SLC14A2: variants seen among roughly 807,000 people sequenced by gnomAD.
SLC14A2 encodes urea transporter 2.
In SLC14A2, 91 loss-of-function variants were observed where a neutral mutation model predicts 104.6. The observed-to-expected ratio is 0.87, with a 90% confidence interval of 0.73 to 1.04. SLC14A2 has a LOEUF of 1.04. Among genes scored for constraint, SLC14A2 ranks in the 50% least tolerant of loss-of-function variants. SLC14A2 has a pLI of 0.00. For missense variants in SLC14A2, 1,189 were observed against 1,156.0 expected, an observed-to-expected ratio of 1.03 and a Z score of -0.41; for synonymous variants, 476 against 466.4, an observed-to-expected ratio of 1.02 and a Z score of -0.27.
At chr18:45,512,753 C>T (rs911967826) in intron 2 of SLC14A2, among the ~76,000 whole-genome samples, 39 of 152,294 alleles carry the variant, frequency 2.6e-4, no homozygotes, top group Middle Eastern at 3.4e-3. Context: ...ACATCAGACT[C>T]ATTCTGCCTG....
chr18:45,360,092 C>T (rs1331937421), intron 1 of SLC14A2, among the ~76,000 whole-genome samples: 1 of 152,198 alleles, frequency 6.6e-6, no homozygotes, highest in Non-Finnish European at 1.5e-5. Flanking sequence ...CCAACCTACC[C>T]TCACCTCCTC....
At chr18:45,566,049 T>C (rs557872059) in intron 2 of SLC14A2, among the ~76,000 whole-genome samples, 2 of 152,322 alleles carry the variant, frequency 1.3e-5, no homozygotes, top group African/African-American at 4.8e-5. Flanking sequence ...AGCATTTCTG[T>C]TGTGGAAGTA....
At chr18:45,465,160 G>T (rs4890543) in intron 1 of SLC14A2, among the ~76,000 whole-genome samples, 1 of 152,024 alleles carries the variant, frequency 6.6e-6, no homozygotes, top group Non-Finnish European at 1.5e-5. Flanking sequence ...GGGTCAGAGA[G>T]AGAGAGAAAT....
At chr18:45,540,238 C>T (rs1188855757) in intron 2 of SLC14A2, among the ~76,000 whole-genome samples, 2 of 152,124 alleles carry the variant, frequency 1.3e-5, no homozygotes, top group Non-Finnish European at 2.9e-5. Context: ...GACTCTCCTT[C>T]CTGGCCCCCT....
At chr18:45,324,050 T>A (rs990729057) in intron 1 of SLC14A2, among the ~76,000 whole-genome samples, 2 of 152,198 alleles carry the variant, frequency 1.3e-5, no homozygotes, top group Admixed American at 1.3e-4. Context: ...AAAAACCCTT[T>A]CTTTAGTGGC....
chr18:45,169,521 G>A, the SLC14A2 span, among the ~76,000 whole-genome samples: 5 of 152,142 alleles, frequency 3.3e-5, no homozygotes, highest in Admixed American at 6.5e-5. Flanking sequence ...TTTGGATAAG[G>A]CTGTAATCAC....
chr18:45,616,788 T>TCAC (rs2045078222), intron 1 of SLC14A2, among the ~76,000 whole-genome samples: 1 of 152,036 alleles, frequency 6.6e-6, no homozygotes, highest in Admixed American at 6.5e-5. Flanking sequence ...CATTGAAGGG[T>TCAC]CACCCCACTT....
chr18:45,470,044 G>A (rs2087218405), intron 1 of SLC14A2, among the ~76,000 whole-genome samples: 1 of 152,182 alleles, frequency 6.6e-6, no homozygotes, highest in African/African-American at 2.4e-5. Context: ...TCTTTAAACT[G>A]AAGGAATTGT....
At chr18:45,505,356 A>G (rs538682972) in intron 2 of SLC14A2, among the ~76,000 whole-genome samples, 4 of 152,274 alleles carry the variant, frequency 2.6e-5, no homozygotes, top group African/African-American at 9.6e-5. Context: ...CCTGCTATCC[A>G]TGTAAATTCA....
At chr18:45,434,807 G>GA (rs35012323) in intron 1 of SLC14A2, among the ~76,000 whole-genome samples, 1 of 152,160 alleles carries the variant, frequency 6.6e-6, no homozygotes, top group Non-Finnish European at 1.5e-5. Context: ...AACGTGGGGT[G>GA]AAAAAATGAA....
chr18:45,168,787 ACATGATGCTCACATCT>A, the SLC14A2 span: 1 of 152,164 alleles, frequency 6.6e-6, no homozygotes, highest in African/African-American at 2.4e-5. Context: ...AGGGCCTGGA[ACATGATGCTCACATCT>A]CATGATGAAA....
chr18:45,528,113 T>C (rs2043623167), intron 2 of SLC14A2: 1 of 145,086 alleles, frequency 6.9e-6, no homozygotes, highest in Non-Finnish European at 1.5e-5. Context: ...TGGAACAGGT[T>C]TGGTTTCAGG....
chr18:45,619,322 A>AG (rs34863179), intron 1 of SLC14A2, among the ~76,000 whole-genome samples: 2 of 152,220 alleles, frequency 1.3e-5, no homozygotes, highest in Non-Finnish European at 2.9e-5. Context: ...CCTCCTGCTC[A>AG]GGACACAGTG....
intron 10 of SLC14A2, among the ~76,000 whole-genome samples, chr18:45,653,929 A>G (rs2045784537): frequency 6.6e-6 from 1 of 152,234 alleles, no homozygotes; most frequent in Non-Finnish European, 1.5e-5. Flanking sequence ...CACTTAAATA[A>G]TAGCTTTAAA....
chr18:45,348,042 T>C (rs2085466833), intron 1 of SLC14A2, among the ~76,000 whole-genome samples: 1 of 152,182 alleles, frequency 6.6e-6, no homozygotes, highest in South Asian at 2.1e-4. Context: ...CGAAGTGGAA[T>C]TCGTCAATTG....
At chr18:45,192,849 G>A in the SLC14A2 span, among the ~76,000 whole-genome samples, 5 of 151,832 alleles carry the variant, frequency 3.3e-5, no homozygotes, top group African/African-American at 9.7e-5. Context: ...GTAGAGACGG[G>A]GTTTCACTGT....
chr18:45,364,582 AGTGGAT>A (rs2085648151), intron 1 of SLC14A2, among the ~76,000 whole-genome samples: 2 of 152,226 alleles, frequency 1.3e-5, no homozygotes, highest in South Asian at 4.1e-4. Context: ...ATGAAATAGG[AGTGGAT>A]GTGGCTGAAC....
chr18:45,399,143 G>T (rs985832981), intron 1 of SLC14A2, among the ~76,000 whole-genome samples: 6 of 152,198 alleles, frequency 3.9e-5, no homozygotes, highest in Non-Finnish European at 2.9e-5. Flanking sequence ...GCAGAAAGAG[G>T]TTAAGAAACT....
At chr18:45,203,545 T>C in the SLC14A2 span, among the ~76,000 whole-genome samples, 2 of 152,242 alleles carry the variant, frequency 1.3e-5, no homozygotes, top group Non-Finnish European at 2.9e-5. Flanking sequence ...TGTGTGTGTA[T>C]GTACATCATC....
Sources: gnomAD v4.1 joint callset for allele counts (sites outside exome capture counted in the v4.1 genomes callset) on GRCh38, gnomAD v4.1.1 for gene constraint, MANE v1.5 for transcripts, NCBI Gene and HGNC (gene_info 2026-07-23, HGNC 2026-07-21) for gene names.